The following SLC43A1 variants were observed in gnomAD, a reference collection of about 807,000 sequenced individuals.
SLC43A1 encodes solute carrier family 43 member 1.
In SLC43A1, 31 loss-of-function variants were observed where a neutral mutation model predicts 59.5. The observed-to-expected ratio is 0.52, with a 90% confidence interval of 0.39 to 0.70. The LOEUF is 0.70. Ranked by LOEUF, SLC43A1 falls within the 30% of genes least tolerant of loss-of-function variation. The probability of loss-of-function intolerance (pLI) is 0.00; values close to 1 mark genes in which losing one functional copy is unlikely to be tolerated. For missense variants in SLC43A1, 598 were observed against 717.8 expected, an observed-to-expected ratio of 0.83 and a Z score of 1.91; for synonymous variants, 259 against 290.9, an observed-to-expected ratio of 0.89 and a Z score of 1.12.
intron 13 of SLC43A1, among the ~76,000 whole-genome samples, chr11:57,487,740 A>G (rs1249560126): frequency 6.6e-6 from 1 of 151,878 alleles, no homozygotes; most frequent in Non-Finnish European, 1.5e-5. Context: ...GGAGGTTGCA[A>G]TTGTACATGG....
At chr11:57,495,892 C>A in intron 7 of SLC43A1, 139 bp downstream of exon 7, 1 of 938,672 alleles carries the variant, frequency 1.1e-6, no homozygotes, top group South Asian at 1.8e-5. Context: ...GATGAGAAAG[C>A]AGAGCTTGGA....
At position 57,491,604 on chromosome 11, in the gene SLC43A1, C is replaced by T; in HGVS notation, c.1041G>A (p.Lys347=). 1 of 1,614,172 alleles carries T rather than the reference C, an allele frequency of 6.2e-7. No individual in the cohort carries two copies. Among genetic ancestry groups the T allele is most frequent in the Non-Finnish European group, 8.5e-7 (1 of 1,180,022 alleles). Residue 347 remains lysine, a synonymous_variant, in exon 10 of 15, where the codon AAG becomes AAA. Coordinates refer to ENST00000278426, the MANE Select transcript of SLC43A1 (RefSeq NM_003627.6). ...QEHETNEQQQ[K]VAETVGFYSS... ...TCATAGCCCTACCTGTCTCTGCCAC[C>T]TTTTGTTGCTGTTCATTTGTCTCTG... is the stretch of plus-strand genomic sequence containing the variant.
intron 2 of SLC43A1, among the ~76,000 whole-genome samples, chr11:57,506,906 T>C (rs1434027661): frequency 1.3e-5 from 2 of 152,200 alleles, no homozygotes; most frequent in Admixed American, 6.5e-5. Flanking sequence ...ATAGAGTAGT[T>C]TGTGATAAAT....
intron 5 of SLC43A1, 127 bp downstream of exon 5, chr11:57,500,652 C>CA: frequency 1.3e-6 from 1 of 788,812 alleles, no homozygotes; most frequent in African/African-American, 1.7e-5. Context: ...CTCACACACT[C>CA]ACTTGATCTA....
intron 2 of SLC43A1, among the ~76,000 whole-genome samples, chr11:57,511,732 T>C (rs1027058072): frequency 6.6e-6 from 1 of 152,194 alleles, no homozygotes; most frequent in African/African-American, 2.4e-5. Context: ...GAAGTCCTGA[T>C]ACATGCTACA....
intron 2 of SLC43A1, among the ~76,000 whole-genome samples, chr11:57,507,469 A>T (rs985764778): frequency 3.3e-5 from 5 of 152,088 alleles, no homozygotes; most frequent in African/African-American, 9.7e-5. Flanking sequence ...GACTGTCTCA[A>T]AAAATAAAAA....
intron 2 of SLC43A1, among the ~76,000 whole-genome samples, chr11:57,505,520 TAAC>T (rs1338031535): frequency 6.7e-6 from 1 of 150,018 alleles, no homozygotes; most frequent in Non-Finnish European, 1.5e-5. Context: ...TAAAAAAAAC[TAAC>T]AACAACAAAA....
intron 2 of SLC43A1, among the ~76,000 whole-genome samples, chr11:57,509,978 T>C (rs1035316689): frequency 1.4e-4 from 22 of 152,154 alleles, no homozygotes; most frequent in Non-Finnish European, 2.9e-5. Context: ...AAAGAACTCT[T>C]ACATCTCAGT....
chr11:57,497,420 G>A (rs1237512895), intron 6 of SLC43A1, among the ~76,000 whole-genome samples: 1 of 152,246 alleles, frequency 6.6e-6, no homozygotes, highest in African/African-American at 2.4e-5. Context: ...CAGAGAGTCA[G>A]GGACCTTGAA....
At chr11:57,507,854 A>G (rs866951536) in intron 2 of SLC43A1, among the ~76,000 whole-genome samples, 1 of 152,252 alleles carries the variant, frequency 6.6e-6, no homozygotes, top group Admixed American at 6.5e-5. Context: ...TTCAGAATGT[A>G]GTAACAATCC....
At chr11:57,506,083 T>C (rs1944388191) in intron 2 of SLC43A1, among the ~76,000 whole-genome samples, 2 of 152,222 alleles carry the variant, frequency 1.3e-5, no homozygotes, top group Non-Finnish European at 1.5e-5. Context: ...TGGTGGTTTA[T>C]GCCTGTAATC....
intron 2 of SLC43A1, among the ~76,000 whole-genome samples, chr11:57,505,461 G>A (rs1007946457): frequency 3.3e-5 from 5 of 151,640 alleles, no homozygotes; most frequent in Non-Finnish European, 7.4e-5. Context: ...CCAGTGAGCC[G>A]AAATCACACC....
intron 8 of SLC43A1, among the ~76,000 whole-genome samples, chr11:57,492,666 G>C (rs1238239202): frequency 2.2e-5 from 3 of 136,124 alleles, no homozygotes; most frequent in African/African-American, 8.4e-5. Context: ...GGAGGTCAAG[G>C]CTGCAGTGAA....
At chr11:57,491,156 A>C in intron 11 of SLC43A1, 68 bp downstream of exon 11, 1 of 1,462,556 alleles carries the variant, frequency 6.8e-7, no homozygotes, top group East Asian at 2.4e-5. Flanking sequence ...GCTGGATGTA[A>C]ACGCACAGAG....
intron 2 of SLC43A1, among the ~76,000 whole-genome samples, chr11:57,510,939 G>A (rs935677794): frequency 2.6e-5 from 4 of 152,108 alleles, no homozygotes; most frequent in African/African-American, 4.8e-5. Context: ...CTGAGATAGC[G>A]CCATTGCACT....
At chr11:57,500,479 G>A (rs1325408626) in intron 5 of SLC43A1, among the ~76,000 whole-genome samples, 1 of 152,130 alleles carries the variant, frequency 6.6e-6, no homozygotes, top group African/African-American at 2.4e-5. Flanking sequence ...AGGATGACTC[G>A]GTCAGTCCTG....
At chr11:57,505,851 C>T (rs1032219770) in intron 2 of SLC43A1, among the ~76,000 whole-genome samples, 1 of 152,188 alleles carries the variant, frequency 6.6e-6, no homozygotes, top group Non-Finnish European at 1.5e-5. Flanking sequence ...TGCAGAAACT[C>T]TCTGAGGCTC....
intron 7 of SLC43A1, among the ~76,000 whole-genome samples, chr11:57,495,192 T>A (rs921304571): frequency 6.6e-6 from 1 of 151,326 alleles, no homozygotes; most frequent in African/African-American, 2.4e-5. Flanking sequence ...TGCACCCACA[T>A]AAATAGTTAC....
chr11:57,491,258 C>T lies in SLC43A1; in HGVS notation c.1159G>A (p.Ala387Thr), dbSNP rs114947771. The T allele has an allele frequency of 1.4e-3, 2,223 of 1,604,932 alleles. 25 individuals are homozygous for T. The African/African-American group carries it at 0.019, about 13-fold the overall frequency. The change falls in exon 11 of 15, where the codon GCC becomes ACC. Residue 387 changes from alanine (A) to threonine (T), a missense_variant. Physicochemically the swap from Ala to Thr is moderately conservative, Grantham distance 58 (BLOSUM62 0). Transcript: ENST00000278426. ...MDWRIKDCVDAPTQGTVLGDA... is the reference protein window; with the variant it reads ...MDWRIKDCVDTPTQGTVLGDA... Reference sequence around the variant, plus strand: ...CCGAGGACAGTGCCCTGAGTTGGGGCGTCCACGCAGTCCTTGATCCGCCAG... The same window carrying T: ...CCGAGGACAGTGCCCTGAGTTGGGGTGTCCACGCAGTCCTTGATCCGCCAG...
Sources: allele counts gnomAD v4.1 joint callset (sites outside exome capture counted in the v4.1 genomes callset), GRCh38; gene constraint gnomAD v4.1.1; transcripts MANE v1.5; gene names NCBI Gene and HGNC (gene_info 2026-07-23, HGNC 2026-07-21).